The following CSMD1 variants were observed in gnomAD, a reference collection of about 807,000 sequenced individuals.
CSMD1 encodes the protein CUB and sushi domain-containing protein 1.
In CSMD1, 213 loss-of-function variants were observed where a neutral mutation model predicts 417.5. The observed-to-expected ratio is 0.51, with a 90% CI of 0.46 to 0.57. The LOEUF (loss-of-function observed/expected upper bound fraction) is 0.57. CSMD1 is among the 20% of genes least tolerant of loss of function. The pLI is 0.00. For synonymous variants in CSMD1, 2,862 were observed against 1,736.8 expected (o/e 1.65, Z -16.11); for missense variants, 6,923 against 4,529.7 (o/e 1.53, Z -15.17).
chr8:4,015,294 T>C (rs1488062646), intron 4 of CSMD1, among the ~76,000 whole-genome samples: 1 of 152,184 alleles, frequency 6.6e-6, no homozygotes, highest in East Asian at 1.9e-4. Context: ...TCGCAGAATT[T>C]ATAGGCACCC....
chr8:4,421,070 C>T (rs1797225771), intron 2 of CSMD1, among the ~76,000 whole-genome samples: 1 of 152,074 alleles, frequency 6.6e-6, no homozygotes, highest in African/African-American at 2.4e-5. Context: ...CATTTTTTCC[C>T]ATTGGATGCC....
At chr8:2,950,370 T>C (rs1802547528) in intron 66 of CSMD1, 27 bp from the exon 67 acceptor site, 3 of 1,415,802 alleles carry the variant, frequency 2.1e-6, no homozygotes, top group African/African-American at 1.4e-5. Context: ...AGTTTAGGCT[T>C]ACCTTGGAGA....
At chr8:4,118,995 C>A (rs7842928) in intron 3 of CSMD1, among the ~76,000 whole-genome samples, 150,570 of 152,212 alleles carry the variant, frequency 0.99, 74,498 homozygotes, top group East Asian at 1. Context: ...ACAAGAACGG[C>A]AAACCAAACA....
chr8:4,948,727 G>A (rs561712058), intron 1 of CSMD1, among the ~76,000 whole-genome samples: 82 of 152,120 alleles, frequency 5.4e-4, no homozygotes, highest in African/African-American at 1.9e-3. Flanking sequence ...GTAGGCATCT[G>A]TACCATTTAA....
At chr8:4,404,228 A>G (rs1804854183) in intron 3 of CSMD1, among the ~76,000 whole-genome samples, 2 of 152,018 alleles carry the variant, frequency 1.3e-5, no homozygotes, top group South Asian at 4.1e-4. Context: ...CTACTATTTT[A>G]TATTATCTGT....
At chr8:3,831,527 G>C (rs1002831176) in intron 5 of CSMD1, among the ~76,000 whole-genome samples, 1 of 151,286 alleles carries the variant, frequency 6.6e-6, no homozygotes, top group Non-Finnish European at 1.5e-5. Flanking sequence ...TTGGAGAACA[G>C]GCTGGAGGAA....
At chr8:3,377,973 C>T (rs1021332546) in intron 18 of CSMD1, among the ~76,000 whole-genome samples, 8 of 152,104 alleles carry the variant, frequency 5.3e-5, no homozygotes, top group East Asian at 1.9e-4. Flanking sequence ...AAGTCAGTGC[C>T]GTCATGGCCT....
At chr8:4,817,204 A>C (rs1010280201) in intron 1 of CSMD1, among the ~76,000 whole-genome samples, 1 of 152,290 alleles carries the variant, frequency 6.6e-6, no homozygotes. Flanking sequence ...CTGTGCTCCT[A>C]TATGTATATG....
intron 9 of CSMD1, 58 bp downstream of exon 9, chr8:3,586,078 A>G: frequency 6.4e-7 from 1 of 1,559,690 alleles, no homozygotes; most frequent in East Asian, 2.3e-5. Context: ...TATATTCATA[A>G]AAATGCCAAC....
intron 25 of CSMD1, among the ~76,000 whole-genome samples, chr8:3,286,526 G>C (rs1297755605): frequency 3.9e-5 from 6 of 152,058 alleles, no homozygotes; most frequent in Non-Finnish European, 8.8e-5. Context: ...ATTCTAACTG[G>C]TGTGAGATGG....
intron 2 of CSMD1, among the ~76,000 whole-genome samples, chr8:4,521,724 G>C (rs759985186): frequency 3.9e-5 from 6 of 152,252 alleles, no homozygotes; most frequent in East Asian, 1.9e-4. Context: ...CATTTCAATA[G>C]ACATAGCTCA....
intron 3 of CSMD1, among the ~76,000 whole-genome samples, chr8:4,075,744 T>C (rs1799788153): frequency 6.6e-6 from 1 of 152,276 alleles, no homozygotes; most frequent in Non-Finnish European, 1.5e-5. Context: ...TCAGGTTGTG[T>C]GTCCCTTTCA....
intron 1 of CSMD1, among the ~76,000 whole-genome samples, chr8:4,927,413 C>A (rs996024570): frequency 1.3e-5 from 2 of 152,088 alleles, no homozygotes; most frequent in African/African-American, 2.4e-5. Context: ...GCCCCAGCAA[C>A]TGTCAGTGAG....
At chr8:3,254,427 G>C (rs1341382484) in intron 26 of CSMD1, among the ~76,000 whole-genome samples, 2 of 152,160 alleles carry the variant, frequency 1.3e-5, no homozygotes, top group Non-Finnish European at 2.9e-5. Context: ...GGCCTGCCTT[G>C]CTAGATTGGG....
At chr8:3,773,110 C>T (rs1168494834) in intron 5 of CSMD1, among the ~76,000 whole-genome samples, 3 of 152,156 alleles carry the variant, frequency 2.0e-5, no homozygotes, top group African/African-American at 4.8e-5. Flanking sequence ...GGGCTCTGTC[C>T]TCACAACCTC....
In CSMD1 at chr8:4,887,427, G is replaced by A. The variant is rs138917162; in HGVS notation, c.85+106905C>T. 2.8e-4 allele frequency among the ~76,000 whole-genome samples: 42 copies of A among 152,112 alleles called. 1 individual carries two copies. In the East Asian group the frequency reaches 5.6e-3, roughly 20 times the overall value. On this transcript the variant is annotated intron_variant, in intron 1 of 69. Coordinates refer to ENST00000635120, the MANE Select transcript of CSMD1 (RefSeq NM_033225.6). ...AACAGTTCATCTGCAAATGAGAACC[G>A]AGGTATATTAGATTTTTTTCACTTG...
intron 3 of CSMD1, among the ~76,000 whole-genome samples, chr8:4,257,568 G>A (rs774811747): frequency 2.4e-4 from 36 of 152,230 alleles, no homozygotes; most frequent in Admixed American, 1.8e-3. Flanking sequence ...ATAAGAAATA[G>A]AGATTTATAA....
intron 31 of CSMD1, among the ~76,000 whole-genome samples, chr8:3,203,192 G>C (rs1293768584): frequency 6.6e-6 from 1 of 152,226 alleles, no homozygotes; most frequent in Non-Finnish European, 1.5e-5. Context: ...GCTCTAACGT[G>C]TTTGGTAATT....
intron 3 of CSMD1, among the ~76,000 whole-genome samples, chr8:4,276,784 G>C (rs1351447469): frequency 5.3e-5 from 8 of 152,020 alleles, no homozygotes; most frequent in African/African-American, 2.4e-5. Flanking sequence ...TCAGGGGAAA[G>C]AAAAATAGAA....
Sources: allele counts gnomAD v4.1 joint callset (sites outside exome capture counted in the v4.1 genomes callset), GRCh38; gene constraint gnomAD v4.1.1; transcripts MANE v1.5; gene names NCBI Gene and HGNC (gene_info 2026-07-23, HGNC 2026-07-21).